NSMAF: variants seen among roughly 807,000 people sequenced by gnomAD.
The protein encoded by NSMAF is neutral sphingomyelinase activation associated factor.
NSMAF carries 90 observed loss-of-function variants against 134.9 expected under a neutral mutation model. The ratio of observed to expected loss-of-function variants is 0.67; its 90% CI spans 0.56 to 0.79. The LOEUF (loss-of-function observed/expected upper bound fraction) is 0.79, where lower values mean the gene tolerates loss of function less well. Among genes scored for constraint, NSMAF ranks in the 30% least tolerant of loss-of-function variants. NSMAF has a pLI of 0.00. For missense variants in NSMAF, 1,010 were observed against 1,119.0 expected (o/e 0.90, Z 1.39); for synonymous variants, 358 against 389.6 (o/e 0.92, Z 0.96).
At chr8:58,620,823 C>T (rs1034738283) in intron 9 of NSMAF, among the ~76,000 whole-genome samples, 1 of 152,100 alleles carries the variant, frequency 6.6e-6, no homozygotes, top group Admixed American at 6.5e-5. Context: ...TAATGGGGGT[C>T]TGGGAAAATG....
In NSMAF at chr8:58,657,828, A is replaced by G. The variant is rs185985824; in HGVS notation, c.59+1745T>C. ...GTTGATGCCTCCTGACTGGATAGAT[A>G]AATGTTTTGGTTGCCAAGAGCTAGA... On this transcript the variant is annotated intron_variant, in intron 1 of 30. Coordinates refer to ENST00000038176, the MANE Select transcript of NSMAF (RefSeq NM_003580.4). Among the ~76,000 whole-genome samples the G allele has an allele frequency of 1.2e-3, 189 of 152,342 alleles. 1 individual carries two copies. Among genetic ancestry groups the G allele is most frequent in the Middle Eastern group, 3.4e-3 (1 of 294 alleles).
At position 58,611,297 on chromosome 8, in the gene NSMAF, T is replaced by C. The variant is rs571405908; in HGVS notation, c.558-1564A>G. On this transcript the variant is annotated intron_variant, in intron 9 of 30. Coordinates refer to ENST00000038176, the MANE Select transcript of NSMAF (RefSeq NM_003580.4). ...TGGCTCACACCTGTAATCCCAGCAC[T>C]TTGAGAGGCCAAAGCAAGAGGATCA... Among the ~76,000 whole-genome samples the C allele has an allele frequency of 3.3e-5, 5 of 152,250 alleles. No homozygotes were observed. In the East Asian group the frequency reaches 9.6e-4, roughly 29 times the overall value.
At chr8:58,601,116 T>TAC (rs946249437) in intron 16 of NSMAF, 169 bp downstream of exon 16, 1 of 557,564 alleles carries the variant, frequency 1.8e-6, no homozygotes, top group African/African-American at 1.9e-5. Flanking sequence ...TTCTCACATT[T>TAC]ACACACACAT....
chr8:58,598,353 T>TA lies in NSMAF; in HGVS notation c.1586-452dup, dbSNP rs1350156457. Among the ~76,000 whole-genome samples, 141 of 145,028 alleles carry TA rather than the reference T, an allele frequency of 9.7e-4. 1 individual carries two copies. The highest frequency in any genetic ancestry group is 1.3e-3 in the South Asian group (6 of 4,582). On this transcript the variant is annotated intron_variant, in intron 19 of 30. Transcript: ENST00000038176. Reference sequence around the variant, plus strand: ...ATATTGCTGCTATTTTCTGTTAAATTAAAAAAAAAAACTCTGGCAGCTACT... The same window carrying TA: ...ATATTGCTGCTATTTTCTGTTAAATTAAAAAAAAAAAACTCTGGCAGCTACT...
At chr8:58,620,607 A>G (rs752050362) in intron 9 of NSMAF, among the ~76,000 whole-genome samples, 13 of 152,214 alleles carry the variant, frequency 8.5e-5, no homozygotes, top group Non-Finnish European at 1.6e-4. Flanking sequence ...ATGGCTGTAA[A>G]AGACTATTTG....
At chr8:58,596,614 A>G (rs1276981758) in intron 21 of NSMAF, among the ~76,000 whole-genome samples, 1 of 152,214 alleles carries the variant, frequency 6.6e-6, no homozygotes, top group Non-Finnish European at 1.5e-5. Context: ...TCCAATGAAG[A>G]AGAGAGAGCA....
intron 6 of NSMAF, among the ~76,000 whole-genome samples, chr8:58,627,535 AC>A (rs1806962956): frequency 6.6e-6 from 1 of 152,236 alleles, no homozygotes. Context: ...ATCAATGTAC[AC>A]AAATCAGTAG....
intron 12 of NSMAF, 92 bp from the exon 13 acceptor site, chr8:58,603,478 ATT>A: frequency 8.4e-7 from 1 of 1,190,918 alleles, no homozygotes; most frequent in African/African-American, 1.5e-5. Context: ...ATCCCTGTGC[ATT>A]CTTGAAAAAT....
At chr8:58,592,868 C>T (rs896929767) in intron 23 of NSMAF, among the ~76,000 whole-genome samples, 1 of 150,014 alleles carries the variant, frequency 6.7e-6, no homozygotes, top group Non-Finnish European at 1.5e-5. Flanking sequence ...GCCTGGGCGA[C>T]GGAGCAAGAC....
intron 9 of NSMAF, among the ~76,000 whole-genome samples, chr8:58,610,943 G>C (rs1250138129): frequency 6.6e-6 from 1 of 152,176 alleles, no homozygotes; most frequent in Non-Finnish European, 1.5e-5. Flanking sequence ...AACCACAGGT[G>C]CAACAAAGTC....
intron 22 of NSMAF, 83 bp downstream of exon 22, chr8:58,595,477 G>C: frequency 4.2e-6 from 4 of 946,034 alleles, no homozygotes; most frequent in Non-Finnish European, 6.9e-6. Flanking sequence ...CTCTGACTCA[G>C]CTTAAAACAG....
chr8:58,649,185 T>C (rs1353718398), intron 1 of NSMAF, among the ~76,000 whole-genome samples: 1 of 152,188 alleles, frequency 6.6e-6, no homozygotes, highest in African/African-American at 2.4e-5. Flanking sequence ...AGGAGATTAT[T>C]GTGGAGTTTT....
At chr8:58,620,321 A>AT (rs1244107274) in intron 9 of NSMAF, among the ~76,000 whole-genome samples, 1 of 152,184 alleles carries the variant, frequency 6.6e-6, no homozygotes, top group Non-Finnish European at 1.5e-5. Flanking sequence ...GAACAAGAAC[A>AT]AAGGCTCAGA....
In NSMAF at chr8:58,652,401, C is replaced by T. The variant is rs189877220; in HGVS notation, c.59+7172G>A. 2.2e-3 allele frequency among the ~76,000 whole-genome samples: 333 copies of T among 152,248 alleles called. 4 individuals are homozygous for T. Among genetic ancestry groups the T allele is most frequent in the African/African-American group, 7.5e-3 (310 of 41,548 alleles). On this transcript the variant is annotated intron_variant, in intron 1 of 30. Transcript: ENST00000038176. ...TTGAACCCTGGTCCCCTGACCATGC[C>T]AGGAAAAAGGCTGGTGTTTCCCCAA...
In NSMAF at chr8:58,619,189, TATAG is replaced by T. The variant is rs1050033945; in HGVS notation, c.557+4027_557+4030del. Among the ~76,000 whole-genome samples the T allele has an allele frequency of 4.1e-4, 63 of 152,246 alleles. 1 individual carries two copies. The highest frequency in any genetic ancestry group is 1.5e-3 in the African/African-American group (62 of 41,556). On this transcript the variant is annotated intron_variant, in intron 9 of 30. Coordinates refer to ENST00000038176, the MANE Select transcript of NSMAF (RefSeq NM_003580.4). ...AAAAATGGAAATAAAATTAACGCTATATAGTGAAGCAGAGAAAGAATCAAACAAA... is the reference window on the plus strand; with the variant it reads ...AAAAATGGAAATAAAATTAACGCTATTGAAGCAGAGAAAGAATCAAACAAA...
At position 58,657,650 on chromosome 8, in the gene NSMAF, A is replaced by G. The variant is rs111629575; in HGVS notation, c.59+1923T>C. Among the ~76,000 whole-genome samples, 1,354 of 152,364 alleles carry G rather than the reference A, an allele frequency of 8.9e-3. 23 individuals carry two copies. Among genetic ancestry groups the G allele is most frequent in the African/African-American group, 0.031 (1,274 of 41,592 alleles). ...AGACAGATTCCTGTCATTCAAATGC[A>G]TATTCTATGCATTGAATGGAGTATG... On this transcript the variant is annotated intron_variant, in intron 1 of 30. Transcript: ENST00000038176.
chr8:58,594,585 AT>A (rs1001967011), intron 22 of NSMAF: 9 of 394,780 alleles, frequency 2.3e-5, no homozygotes, highest in African/African-American at 1.6e-4. Flanking sequence ...TTCTCCTTCT[AT>A]TCCCCCTCGT....
At chr8:58,594,318 A>G (rs1806084707) in intron 22 of NSMAF, 28 bp from the exon 23 acceptor site, 1 of 1,590,990 alleles carries the variant, frequency 6.3e-7, no homozygotes, top group Non-Finnish European at 8.6e-7. Context: ...TTCACAAATT[A>G]CTACTCATCA....
At chr8:58,600,589 T>TC (rs1175015594) in intron 16 of NSMAF, among the ~76,000 whole-genome samples, 2 of 118,944 alleles carry the variant, frequency 1.7e-5, no homozygotes, top group African/African-American at 6.7e-5. Flanking sequence ...CTCACTGTAC[T>TC]CCAGCCTGGG....
Sources: gnomAD v4.1 joint callset for allele counts (sites outside exome capture counted in the v4.1 genomes callset) on GRCh38, gnomAD v4.1.1 for gene constraint, MANE v1.5 for transcripts, NCBI Gene and HGNC (gene_info 2026-07-23, HGNC 2026-07-21) for gene names.